The following SENP6 variants were observed in gnomAD, a reference collection of about 807,000 sequenced individuals.
SENP6 encodes the protein sentrin-specific protease 6.
In SENP6, 41 loss-of-function variants were observed where a neutral mutation model predicts 134.5. That is an observed-to-expected ratio of 0.30 (90% CI 0.24 to 0.40). The LOEUF (loss-of-function observed/expected upper bound fraction) is 0.40, where lower values mean the gene tolerates loss of function less well. Ranked by LOEUF, SENP6 falls within the 10% of genes least tolerant of loss-of-function variation. The pLI is 1.00. For missense variants in SENP6, 1,248 were observed against 1,312.5 expected, an observed-to-expected ratio of 0.95 and a Z score of 0.76; for synonymous variants, 395 against 429.8, an observed-to-expected ratio of 0.92 and a Z score of 1.00.
chr6:75,605,010 T>C (rs961742920), intron 1 of SENP6, among the ~76,000 whole-genome samples: 3 of 152,130 alleles, frequency 2.0e-5, no homozygotes, highest in African/African-American at 7.2e-5. Context: ...GAGCTGGAGG[T>C]TGCAGTGAGC....
intron 21 of SENP6, among the ~76,000 whole-genome samples, chr6:75,712,621 A>G (rs988611595): frequency 6.6e-6 from 1 of 152,110 alleles, no homozygotes; most frequent in Admixed American, 6.6e-5. Flanking sequence ...TCCTTACTTG[A>G]GTTTACAACA....
At chr6:75,675,743 T>C (rs766211666) in intron 12 of SENP6, 117 bp from the exon 13 acceptor site, 15 of 973,328 alleles carry the variant, frequency 1.5e-5, no homozygotes, top group Admixed American at 2.6e-5. Flanking sequence ...TAATGATTTA[T>C]AGAGCATAAT....
At chr6:75,694,381 C>T (rs997718348) in intron 16 of SENP6, among the ~76,000 whole-genome samples, 3 of 152,184 alleles carry the variant, frequency 2.0e-5, no homozygotes, top group Non-Finnish European at 4.4e-5. Flanking sequence ...GCTGGATCTT[C>T]GTGGTTTATT....
At position 75,677,168 on chromosome 6, in the gene SENP6, A is replaced by C; in HGVS notation, c.1760A>C (p.Glu587Ala). The change falls in exon 14 of 24, where the codon GAA becomes GCA. Residue 587 changes from glutamate to alanine, a missense_variant. Around this residue, in one of 3 missense-constraint regions of SENP6, gnomAD observed 733 missense variants for 725.4 expected, o/e 1.01. Coordinates refer to ENST00000447266, the MANE Select transcript of SENP6 (RefSeq NM_015571.4). ...SNFFAKIPFE[E>A]ANGRLVACTR... ...TTTTTTGCGAAAATTCCCTTTGAAG[A>C]AGCTAATGGCAGACTTGTTGCCTGT... The C allele has an allele frequency of 1.2e-6, 2 of 1,612,826 alleles. No homozygotes were observed. Among genetic ancestry groups the C allele is most frequent in the Non-Finnish European group, 1.7e-6 (2 of 1,179,244 alleles).
chr6:75,711,291 T>A, intron 20 of SENP6, 37 bp from the exon 21 acceptor site: 2 of 1,431,708 alleles, frequency 1.4e-6, no homozygotes. Flanking sequence ...ATTTAGATTA[T>A]ATATTTTCAG....
intron 2 of SENP6, 91 bp from the exon 3 acceptor site, chr6:75,623,809 G>A (rs1301705474): frequency 8.8e-7 from 1 of 1,140,498 alleles, no homozygotes; most frequent in African/African-American, 1.6e-5. Flanking sequence ...CTGATTCCCT[G>A]AATTAGGTGA....
chr6:75,603,160 G>T (rs1243504575), intron 1 of SENP6, among the ~76,000 whole-genome samples: 1 of 152,118 alleles, frequency 6.6e-6, no homozygotes, highest in East Asian at 1.9e-4. Context: ...AAAGAGTAAG[G>T]TTTACAGTGT....
At chr6:75,647,132 G>A (rs1239520835) in intron 6 of SENP6, among the ~76,000 whole-genome samples, 2 of 152,084 alleles carry the variant, frequency 1.3e-5, no homozygotes, top group African/African-American at 4.8e-5. Flanking sequence ...TCCCTGGTCT[G>A]TTGCACTTTT....
In SENP6 at chr6:75,676,046, A is replaced by C. The variant is rs1301522314; in HGVS notation, c.1613A>C (p.Lys538Thr). The C allele has an allele frequency of 6.3e-7, 1 of 1,588,256 alleles. No individual in the cohort carries two copies. Among genetic ancestry groups the C allele is most frequent in the Middle Eastern group, 1.7e-4 (1 of 5,918 alleles). Reference protein sequence around the residue: ...KVWNDCKGVNKLTNLEEQYII... With the variant: ...KVWNDCKGVNTLTNLEEQYII... ...TGGAATGATTGTAAAGGAGTAAATA[A>C]ATTAACAAGTAAGTTGTGTAAAACA... is the stretch of plus-strand genomic sequence containing the variant. Residue 538 changes from lysine (K) to threonine (T), a missense_variant, in exon 13 of 24, where the codon AAA (lysine) becomes ACA (threonine). Coordinates refer to ENST00000447266, the MANE Select transcript of SENP6 (RefSeq NM_015571.4).
intron 16 of SENP6, among the ~76,000 whole-genome samples, chr6:75,683,159 T>G (rs1236088562): frequency 6.6e-6 from 1 of 152,176 alleles, no homozygotes; most frequent in Admixed American, 6.5e-5. Context: ...TGATGACCAG[T>G]GGTGGTGAGC....
chr6:75,627,238 A>G (rs1768768012), intron 3 of SENP6, among the ~76,000 whole-genome samples: 1 of 152,192 alleles, frequency 6.6e-6, no homozygotes, highest in Admixed American at 6.5e-5. Context: ...CTGAGATTAC[A>G]GGCGTGAGCC....
intron 16 of SENP6, among the ~76,000 whole-genome samples, chr6:75,692,273 A>G (rs908409140): frequency 5.9e-5 from 9 of 152,200 alleles, no homozygotes; most frequent in African/African-American, 2.2e-4. Flanking sequence ...CTAGAACTGT[A>G]GTCACAGAAA....
In SENP6 at chr6:75,602,370, C is replaced by T. The variant is rs1561951416; in HGVS notation, c.-155C>T. 1.2e-6 allele frequency: 1 copy of T among 834,358 alleles called. No individual in the cohort carries two copies. Among genetic ancestry groups the T allele is most frequent in the Admixed American group, 2.5e-5 (1 of 40,490 alleles). 51.7% of individuals were successfully genotyped at this position (834,358 alleles called of 1,614,324 possible). On this transcript the variant is annotated 5_prime_UTR_variant, in exon 1 of 24. Coordinates refer to ENST00000447266, the MANE Select transcript of SENP6 (RefSeq NM_015571.4). ...CGCGCCTGGCCTGCCTTTGTATAGG[C>T]CCGTCTGAACGTGGGAGCGCAGCCC...
At chr6:75,638,612 ATATATATATATTTTTTTTTTTT>A (rs1277669344) in intron 5 of SENP6, among the ~76,000 whole-genome samples, 28 of 38,586 alleles carry the variant, frequency 7.3e-4, no homozygotes, top group African/African-American at 3.0e-3. Flanking sequence ...ATATATATAT[ATATATATATATTTTTTTTTTTT>A]TTTTTTTTTT....
chr6:75,623,728 A>G (rs572531150), intron 2 of SENP6, among the ~76,000 whole-genome samples, 172 bp from the exon 3 acceptor site: 5 of 152,308 alleles, frequency 3.3e-5, no homozygotes, highest in Admixed American at 6.5e-5. Flanking sequence ...TTCATACAAC[A>G]TATGAGTAGC....
chr6:75,705,080 C>G (rs1357529619), intron 19 of SENP6, among the ~76,000 whole-genome samples: 4 of 152,194 alleles, frequency 2.6e-5, no homozygotes, highest in African/African-American at 9.6e-5. Context: ...TCTGATCTCT[C>G]TTTCTTTTCC....
At chr6:75,692,788 C>T (rs1482747724) in intron 16 of SENP6, among the ~76,000 whole-genome samples, 3 of 149,270 alleles carry the variant, frequency 2.0e-5, no homozygotes, top group Non-Finnish European at 2.9e-5. Context: ...TCCCTTCCCC[C>T]GCCAAAAAAA....
intron 19 of SENP6, among the ~76,000 whole-genome samples, chr6:75,708,649 C>G (rs1463304198): frequency 1.3e-5 from 2 of 152,126 alleles, no homozygotes; most frequent in Non-Finnish European, 2.9e-5. Context: ...AATCCCAACA[C>G]TTTGGGAGGC....
intron 9 of SENP6, among the ~76,000 whole-genome samples, chr6:75,666,350 C>T (rs944877566): frequency 3.3e-5 from 5 of 149,292 alleles, no homozygotes; most frequent in African/African-American, 1.2e-4. Flanking sequence ...AAGTTGTATG[C>T]AAATTATTTT....
Sources: gnomAD v4.1 joint callset for allele counts (sites outside exome capture counted in the v4.1 genomes callset) on GRCh38, gnomAD v4.1.1 for gene constraint, gnomAD v4.1.1 regional missense constraint, MANE v1.5 for transcripts, NCBI Gene and HGNC (gene_info 2026-07-23, HGNC 2026-07-21) for gene names.